The following TDRD12 variants were observed in gnomAD, a reference collection of about 807,000 sequenced individuals.
TDRD12 encodes the protein putative ATP-dependent RNA helicase TDRD12.
TDRD12 carries 158 observed loss-of-function variants against 133.5 expected under a neutral mutation model. That is an observed-to-expected ratio of 1.18 (90% confidence interval 1.04 to 1.35). The LOEUF (loss-of-function observed/expected upper bound fraction) is 1.35. Among genes scored for constraint, TDRD12 ranks in the 40% most tolerant of loss-of-function variants. TDRD12 has a pLI of 0.00. For synonymous variants in TDRD12, 460 were observed against 477.9 expected (o/e 0.96, Z 0.49); for missense variants, 1,443 against 1,321.3 (o/e 1.09, Z -1.43).
exon 1 of TDRD12, chr19:32,719,806 C>A (rs540471250): frequency 1.0e-4 from 56 of 562,670 alleles, no homozygotes; most frequent in African/African-American, 9.7e-4. Flanking sequence ...TGCGGGAGGC[C>A]CGAGGCCAGG....
intron 11 of TDRD12, among the ~76,000 whole-genome samples, chr19:32,781,029 A>C (rs1222157992): frequency 1.0e-4 from 14 of 140,376 alleles, no homozygotes; most frequent in African/African-American, 3.5e-4. Flanking sequence ...TGCAAGCTCC[A>C]CCTCCTGGGT....
chr19:32,777,289 CAA>C (rs891929111), intron 11 of TDRD12, 60 bp downstream of exon 11: 27 of 1,041,932 alleles, frequency 2.6e-5, no homozygotes, highest in African/African-American at 3.3e-5. Context: ...AAATTATAAA[CAA>C]GAGAAATCTA....
chr19:32,769,629 C>T (rs1218826067), intron 8 of TDRD12, among the ~76,000 whole-genome samples: 1 of 149,776 alleles, frequency 6.7e-6, no homozygotes, highest in African/African-American at 2.5e-5. Context: ...AAGTCACATA[C>T]ATTAATTGTG....
chr19:32,807,606 G>A, exon 22 of TDRD12: 1 of 1,535,222 alleles, frequency 6.5e-7, no homozygotes, highest in South Asian at 1.2e-5. Context: ...ACTTGCCCAG[G>A]AAACTGTCCA....
rs2145777030 is a variant in TDRD12, at chr19:32,826,667, C to G, written c.1049+69C>G. On this transcript the variant is annotated intron_variant, in intron 9 of 9. Coordinates refer to the TDRD12 transcript ENST00000637289. The stretch of plus-strand genomic sequence containing the variant: ...GTCATATTCACGCGCTCACTGTCAG[C>G]TGTTCTCTTGAACAGAACCCCAACG... 1 of 1,221,910 alleles carries G rather than the reference C, an allele frequency of 8.2e-7. No homozygotes were observed. Among genetic ancestry groups the G allele is most frequent in the East Asian group, 3.2e-5 (1 of 30,964 alleles). The allele number at this position is 1,221,910 out of a possible 1,614,324, so 75.7% of individuals were successfully genotyped here.
chr19:32,827,073 C>A, intron 9 of TDRD12, 91 bp from the exon 33 acceptor site: 1 of 608,224 alleles, frequency 1.6e-6, no homozygotes. Flanking sequence ...GAACCCAAGG[C>A]ATTTTTTTCT....
chr19:32,783,929 C>G (rs969083076), intron 11 of TDRD12, among the ~76,000 whole-genome samples: 2 of 152,204 alleles, frequency 1.3e-5, no homozygotes, highest in African/African-American at 4.8e-5. Flanking sequence ...TTGACTTCCT[C>G]TCTTCCTATT....
At chr19:32,782,772 G>C (rs1970805976) in intron 11 of TDRD12, among the ~76,000 whole-genome samples, 1 of 152,184 alleles carries the variant, frequency 6.6e-6, no homozygotes, top group African/African-American at 2.4e-5. Flanking sequence ...CTTCTTTTGA[G>C]AAGTGTCTGT....
At chr19:32,772,555 G>T (rs1266886655) in intron 8 of TDRD12, among the ~76,000 whole-genome samples, 198 bp from the exon 9 acceptor site, 1 of 152,150 alleles carries the variant, frequency 6.6e-6, no homozygotes, top group Non-Finnish European at 1.5e-5. Context: ...CATTTTAATT[G>T]TTTTTACAAT....
At chr19:32,732,176 G>C (rs1969077845) in intron 2 of TDRD12, among the ~76,000 whole-genome samples, 1 of 152,128 alleles carries the variant, frequency 6.6e-6, no homozygotes, top group South Asian at 2.1e-4. Flanking sequence ...GCTAATTTTT[G>C]TATTTTTAGT....
rs1451854716 is a variant in TDRD12, at chr19:32,799,988, C to G, written c.1759-179C>G. 2.0e-5 allele frequency among the ~76,000 whole-genome samples: 3 copies of G among 151,968 alleles called. No homozygotes were observed. In the East Asian group the frequency reaches 5.8e-4, roughly 29 times the overall value. On this transcript the variant is annotated intron_variant, in intron 16 of 27. Transcript: ENST00000444215. Reference sequence around the variant, plus strand: ...TGACCTCATGATCCGCCTGCCTCAGCCTCCCAAAGTGCTGGGATTACAGAC... The same window carrying G: ...TGACCTCATGATCCGCCTGCCTCAGGCTCCCAAAGTGCTGGGATTACAGAC...
chr19:32,809,319 G>T (rs977717941), intron 22 of TDRD12, among the ~76,000 whole-genome samples: 2 of 152,160 alleles, frequency 1.3e-5, no homozygotes, highest in African/African-American at 4.8e-5. Flanking sequence ...TGTTGCACTG[G>T]CTGAGCCCGT....
intron 9 of TDRD12, 93 bp from the exon 10 acceptor site, chr19:32,773,363 T>G: frequency 1.2e-5 from 13 of 1,110,120 alleles, no homozygotes; most frequent in Non-Finnish European, 1.6e-5. Flanking sequence ...TGGTTGTTCA[T>G]GAGAATAACT....
chr19:32,815,051 G>T (rs1967128300), intron 25 of TDRD12, among the ~76,000 whole-genome samples: 1 of 152,260 alleles, frequency 6.6e-6, no homozygotes, highest in Admixed American at 6.5e-5. Context: ...CAGGTCCTTG[G>T]CTTAGGTCCT....
intron 4 of TDRD12, among the ~76,000 whole-genome samples, chr19:32,747,140 T>C (rs1204660323): frequency 6.6e-6 from 1 of 151,738 alleles, no homozygotes; most frequent in East Asian, 1.9e-4. Flanking sequence ...GACTGACTCA[T>C]GTGGTTATTC....
chr19:32,808,179 A>AT (rs1001443141), intron 22 of TDRD12, among the ~76,000 whole-genome samples: 3 of 152,162 alleles, frequency 2.0e-5, no homozygotes, highest in East Asian at 1.9e-4. Flanking sequence ...CAAGTTAAGA[A>AT]TTTTTTTATT....
chr19:32,746,397 AGGGG>A, intron 4 of TDRD12, among the ~76,000 whole-genome samples: 1 of 4,384 alleles, frequency 2.3e-4, no homozygotes, highest in Non-Finnish European at 4.7e-4. Context: ...TGTGACAGAG[AGGGG>A]GAGAGAGACT....
At chr19:32,814,942 G>A (rs1262929408) in intron 25 of TDRD12, among the ~76,000 whole-genome samples, 1 of 152,206 alleles carries the variant, frequency 6.6e-6, no homozygotes, top group Non-Finnish European at 1.5e-5. Flanking sequence ...CCAGGCTGTT[G>A]CAGATTTTTA....
chr19:32,720,038 G>A (rs1329904603), exon 1 of TDRD12: 13 of 1,547,084 alleles, frequency 8.4e-6, no homozygotes, highest in South Asian at 2.4e-5. Context: ...GACTTCCAGG[G>A]CGAGGGGGCC....
Sources: allele counts gnomAD v4.1 joint callset (sites outside exome capture counted in the v4.1 genomes callset), GRCh38; gene constraint gnomAD v4.1.1; transcripts MANE v1.5; gene names NCBI Gene and HGNC (gene_info 2026-07-23, HGNC 2026-07-21).